PDE10A: variants seen among roughly 807,000 people sequenced by gnomAD.
PDE10A encodes the protein phosphodiesterase 10A, also known as cAMP and cAMP-inhibited cGMP 3',5'-cyclic phosphodiesterase 10A.
PDE10A carries 39 observed loss-of-function variants against 97.7 expected under a neutral mutation model. The ratio of observed to expected loss-of-function variants is 0.40; its 90% confidence interval spans 0.31 to 0.52. The LOEUF is 0.52. Ranked by LOEUF, PDE10A falls within the 20% of genes least tolerant of loss-of-function variation. The pLI is 0.56. For missense variants in PDE10A, 731 were observed against 1,047.8 expected (o/e 0.70, Z 4.17); for synonymous variants, 371 against 376.8 (o/e 0.98, Z 0.18).
At chr6:165,804,801 C>T (rs1302736856) in intron 1 of PDE10A, among the ~76,000 whole-genome samples, 1 of 151,062 alleles carries the variant, frequency 6.6e-6, no homozygotes, top group Non-Finnish European at 1.5e-5. Context: ...CGGGGCCGGG[C>T]CGCGGGCGGA....
intron 1 of PDE10A, among the ~76,000 whole-genome samples, chr6:165,983,731 C>G (rs1785090803): frequency 6.6e-6 from 1 of 152,194 alleles, no homozygotes. Flanking sequence ...ATACTTTTCT[C>G]TGTTTTACAG....
At chr6:165,367,629 C>A (rs1468298441) in intron 18 of PDE10A, among the ~76,000 whole-genome samples, 1 of 147,282 alleles carries the variant, frequency 6.8e-6, no homozygotes, top group Non-Finnish European at 1.5e-5. Flanking sequence ...CTGAGGAGAA[C>A]AACAACTGCT....
Position 165,339,272 on chromosome 6 carries a change from T to C in PDE10A, c.2976+6A>G. ...AGCAATTACAATTTACTTTAATAAT[T>C]CATACCTGGCCTTGGGGGACTTCAT... On this transcript the variant is annotated splice_donor_region_variant and intron_variant, in intron 20 of 21. Coordinates refer to ENST00000539869, the MANE Select transcript of PDE10A (RefSeq NM_001385079.1). 1 of 1,546,818 alleles carries C rather than the reference T, an allele frequency of 6.5e-7. No homozygotes were observed. The highest frequency in any genetic ancestry group is 8.9e-7 in the Non-Finnish European group (1 of 1,119,206).
At chr6:165,794,994 A>T (rs948651823) in intron 1 of PDE10A, among the ~76,000 whole-genome samples, 22 of 152,368 alleles carry the variant, frequency 1.4e-4, no homozygotes, top group African/African-American at 5.3e-4. Context: ...ATTATAAAAG[A>T]AAACCTTATG....
intron 1 of PDE10A, among the ~76,000 whole-genome samples, chr6:165,739,910 G>A (rs11962446): frequency 0.089 from 13,494 of 152,198 alleles, 1,420 homozygotes; most frequent in African/African-American, 0.25. Context: ...AAACCACAAT[G>A]AGGTATCATC....
chr6:165,758,551 A>AGAG (rs1455753225), intron 1 of PDE10A, among the ~76,000 whole-genome samples: 7 of 89,010 alleles, frequency 7.9e-5, no homozygotes, highest in Non-Finnish European at 1.8e-4. Flanking sequence ...AAGAGGAAGA[A>AGAG]GAAGAGGAAG....
intron 17 of PDE10A, among the ~76,000 whole-genome samples, chr6:165,387,032 T>G (rs1785356292): frequency 6.6e-6 from 1 of 151,808 alleles, no homozygotes. Flanking sequence ...AAAATTTCTA[T>G]GTATGCTTGT....
At chr6:165,582,511 A>G (rs1329948817) in intron 1 of PDE10A, among the ~76,000 whole-genome samples, 1 of 152,108 alleles carries the variant, frequency 6.6e-6, no homozygotes, top group Non-Finnish European at 1.5e-5. Context: ...AAATAAATCT[A>G]CCTATGTTTA....
In PDE10A at chr6:165,730,861, T is replaced by C. The variant is rs145521757; in HGVS notation, c.-614-187293A>G. On this transcript the variant is annotated intron_variant, in intron 1 of 19. Transcript: ENST00000366882. ...GAGTTGAAGACCAGCCTGGCCAACA[T>C]AGTGAAACCCCATCTCGACTAAAAA... Among the ~76,000 whole-genome samples the C allele has an allele frequency of 5.8e-3, 879 of 150,852 alleles. 6 individuals are homozygous for C. Among genetic ancestry groups the C allele is most frequent in the African/African-American group, 0.02 (837 of 40,984 alleles).
chr6:165,562,479 A>C (rs560515770), intron 1 of PDE10A, among the ~76,000 whole-genome samples: 3 of 152,222 alleles, frequency 2.0e-5, no homozygotes, highest in Non-Finnish European at 4.4e-5. Context: ...AGAATATCAA[A>C]AGAAAGTCCT....
chr6:165,607,909 C>T (rs1159756112), intron 1 of PDE10A, among the ~76,000 whole-genome samples: 6 of 151,986 alleles, frequency 3.9e-5, no homozygotes, highest in African/African-American at 9.7e-5. Context: ...CCCAAGTCTC[C>T]GGTCCTCCGC....
chr6:165,373,306 G>T (rs1411172521), intron 18 of PDE10A, among the ~76,000 whole-genome samples: 1 of 151,966 alleles, frequency 6.6e-6, no homozygotes, highest in Non-Finnish European at 1.5e-5. Flanking sequence ...TACAAAATGG[G>T]AGAAAATTTT....
At chr6:165,406,977 GTTGTGAGGCTTTCAGAC>G (rs1787228994) in intron 13 of PDE10A, among the ~76,000 whole-genome samples, 1 of 152,082 alleles carries the variant, frequency 6.6e-6, no homozygotes, top group Non-Finnish European at 1.5e-5. Context: ...AGCTTCCCTG[GTTGTGAGGCTTTCAGAC>G]TTGGACTGAG....
chr6:165,886,064 T>G (rs1165996651), intron 1 of PDE10A, among the ~76,000 whole-genome samples: 1 of 152,246 alleles, frequency 6.6e-6, no homozygotes, highest in African/African-American at 2.4e-5. Flanking sequence ...ATTTCATTTA[T>G]TTTTTGAATC....
At chr6:165,649,572 C>G (rs1396715728) in intron 1 of PDE10A, among the ~76,000 whole-genome samples, 2 of 152,176 alleles carry the variant, frequency 1.3e-5, no homozygotes, top group South Asian at 2.1e-4. Context: ...GCCTAGACCC[C>G]TAGCCCCGGT....
At chr6:165,779,348 C>T (rs766875725) in intron 1 of PDE10A, among the ~76,000 whole-genome samples, 4 of 152,112 alleles carry the variant, frequency 2.6e-5, no homozygotes, top group South Asian at 2.1e-4. Context: ...AGTGAATGAT[C>T]GTGTGTTCAC....
At chr6:165,736,398 T>C (rs1293489763) in intron 1 of PDE10A, among the ~76,000 whole-genome samples, 29 of 151,950 alleles carry the variant, frequency 1.9e-4, no homozygotes, top group Admixed American at 1.9e-3. Flanking sequence ...GGAAGGACAG[T>C]TTCACATGAT....
At chr6:165,450,993 TATC>T (rs772231729) in intron 3 of PDE10A, among the ~76,000 whole-genome samples, 3 of 152,244 alleles carry the variant, frequency 2.0e-5, no homozygotes, top group Non-Finnish European at 4.4e-5. Flanking sequence ...GTAAAAATAA[TATC>T]ATACAAGAGC....
At chr6:165,863,301 G>A (rs1780956384) in intron 1 of PDE10A, among the ~76,000 whole-genome samples, 1 of 152,138 alleles carries the variant, frequency 6.6e-6, no homozygotes, top group Non-Finnish European at 1.5e-5. Flanking sequence ...GAGTTTACTG[G>A]GGCAAAGTAG....
Sources: allele counts gnomAD v4.1 joint callset (sites outside exome capture counted in the v4.1 genomes callset), GRCh38; gene constraint gnomAD v4.1.1; transcripts MANE v1.5; gene names NCBI Gene and HGNC (gene_info 2026-07-23, HGNC 2026-07-21).